The following PTPRN2 variants were observed in gnomAD, a reference collection of about 807,000 sequenced individuals.
The protein encoded by PTPRN2 is protein tyrosine phosphatase receptor type N2, also known as receptor-type tyrosine-protein phosphatase N2.
PTPRN2 carries 74 observed loss-of-function variants against 118.8 expected under a neutral mutation model. The observed-to-expected ratio is 0.62, with a 90% CI of 0.52 to 0.76. The LOEUF (loss-of-function observed/expected upper bound fraction) is 0.76, where lower values mean the gene tolerates loss of function less well. PTPRN2 is among the 30% of genes least tolerant of loss of function. The pLI, the probability that PTPRN2 is intolerant of heterozygous loss-of-function variation, is 0.00. For missense variants in PTPRN2, 1,481 were observed against 1,394.4 expected, an observed-to-expected ratio of 1.06 and a Z score of -0.99; for synonymous variants, 641 against 608.0, an observed-to-expected ratio of 1.05 and a Z score of -0.80.
rs187026187 is a variant in PTPRN2 at position 158,452,513 on chromosome 7, G to A, written c.163+37222C>T. Among the ~76,000 whole-genome samples the A allele has an allele frequency of 3.0e-3, 461 of 152,224 alleles. 2 individuals are homozygous for A. Among genetic ancestry groups the A allele is most frequent in the African/African-American group, 0.01 (422 of 41,524 alleles). Reference sequence around the variant, plus strand: ...CACCCAGGAGCTCTGAGCACGCCACGCACCTGCCCCTGCAACCTTGTCCCG... The same window carrying A: ...CACCCAGGAGCTCTGAGCACGCCACACACCTGCCCCTGCAACCTTGTCCCG... On this transcript the variant is annotated intron_variant, in intron 2 of 22. Transcript: ENST00000389418.
At chr7:157,745,883 G>A (rs1040257328) in intron 12 of PTPRN2, among the ~76,000 whole-genome samples, 10 of 152,056 alleles carry the variant, frequency 6.6e-5, no homozygotes, top group Admixed American at 2.0e-4. Context: ...CACTCAGCAC[G>A]CACGCCACAA....
In PTPRN2 at chr7:157,720,608, C is replaced by T. The variant is rs549136331; in HGVS notation, c.1789-37671G>A. ...GTGCACGCGGGGACCGAGGGAGTCACGTGAATCATGTGGCTTCCACGAGCT... is the reference window on the plus strand; with the variant it reads ...GTGCACGCGGGGACCGAGGGAGTCATGTGAATCATGTGGCTTCCACGAGCT... On this transcript the variant is annotated intron_variant, in intron 12 of 22. Transcript: ENST00000389418. Among the ~76,000 whole-genome samples, 27 of 152,364 alleles carry T rather than the reference C, an allele frequency of 1.8e-4. No individual in the cohort carries two copies. In the South Asian group the frequency reaches 4.6e-3, roughly 26 times the overall value.
At chr7:157,842,732 C>T (rs779441326) in intron 12 of PTPRN2, among the ~76,000 whole-genome samples, 5 of 152,238 alleles carry the variant, frequency 3.3e-5, no homozygotes, top group Admixed American at 6.5e-5. Flanking sequence ...ATCCTGTGCC[C>T]CTGTCTCCGC....
At position 157,961,201 on chromosome 7, in the gene PTPRN2, C is replaced by T. The variant is rs546337172; in HGVS notation, c.1724-62464G>A. ...TTTTTCTTTCCTCTTTTGATTTTTTCCAAAAATTTCACAATGGCACACAAT... is the reference window on the plus strand; with the variant it reads ...TTTTTCTTTCCTCTTTTGATTTTTTTCAAAAATTTCACAATGGCACACAAT... On this transcript the variant is annotated intron_variant, in intron 11 of 22. Transcript: ENST00000389418. Among the ~76,000 whole-genome samples, 4 of 151,978 alleles carry T rather than the reference C, an allele frequency of 2.6e-5. No homozygotes were observed. The East Asian group carries it at 7.7e-4, about 29-fold the overall frequency.
chr7:158,517,833 C>A lies in PTPRN2; in HGVS notation c.113-28048G>T, dbSNP rs1468732550. ...CACCTCCATCCCCTTCGTCACACAT[C>A]CCACACACCCCGGTTTGTTCCCACC... On this transcript the variant is annotated intron_variant, in intron 1 of 22. Transcript: ENST00000389418. This position sits in a 1 kb window ranked among gnomAD's most constrained non-coding sequence, Gnocchi z 5.3. Among the ~76,000 whole-genome samples, 3 of 152,182 alleles carry A rather than the reference C, an allele frequency of 2.0e-5. No individual in the cohort carries two copies. The highest frequency in any genetic ancestry group is 4.4e-5 in the Non-Finnish European group (3 of 68,028).
At chr7:157,633,069 G>C (rs890734983) in intron 14 of PTPRN2, among the ~76,000 whole-genome samples, 3 of 152,108 alleles carry the variant, frequency 2.0e-5, no homozygotes, top group Non-Finnish European at 4.4e-5. Context: ...GGATGACCTA[G>C]GTTCGGGAGC....
chr7:157,929,704 G>C lies in PTPRN2; in HGVS notation c.1724-30967C>G, dbSNP rs1799248257. ...TACTGTAAGACTTCCCTGTCCCTCG[G>C]GTGGGGGCGGCATCCTCACAGGGGT... On this transcript the variant is annotated intron_variant, in intron 11 of 22. Transcript: ENST00000389418. This position sits in a 1 kb window ranked among gnomAD's most constrained non-coding sequence, Gnocchi z 4.4. Among the ~76,000 whole-genome samples, 1 of 152,152 alleles carries C rather than the reference G, an allele frequency of 6.6e-6. No individual in the cohort carries two copies. Among genetic ancestry groups the C allele is most frequent in the Non-Finnish European group, 1.5e-5 (1 of 68,026 alleles).
At chr7:158,269,905 TAGAG>T (rs1456400202) in intron 3 of PTPRN2, among the ~76,000 whole-genome samples, 3 of 145,344 alleles carry the variant, frequency 2.1e-5, no homozygotes, top group African/African-American at 7.9e-5. Context: ...GACAGAGACA[TAGAG>T]ACAGAGAAAC....
intron 12 of PTPRN2, among the ~76,000 whole-genome samples, chr7:157,795,570 C>G (rs138998605): frequency 6.6e-6 from 1 of 152,386 alleles, no homozygotes; most frequent in Non-Finnish European, 1.5e-5. Flanking sequence ...TGTGCTTGCT[C>G]TGACATTTGC....
At chr7:158,414,585 A>C (rs1814488977) in intron 2 of PTPRN2, among the ~76,000 whole-genome samples, 1 of 152,222 alleles carries the variant, frequency 6.6e-6, no homozygotes, top group South Asian at 2.1e-4. Flanking sequence ...ATTAGGAAGA[A>C]GCTGGCACGA....
At chr7:158,100,069 T>C (rs1379724047) in intron 10 of PTPRN2, among the ~76,000 whole-genome samples, 1 of 151,920 alleles carries the variant, frequency 6.6e-6, no homozygotes, top group Non-Finnish European at 1.5e-5. Flanking sequence ...AGTCCTTATG[T>C]CATTCTTAAG....
intron 11 of PTPRN2, among the ~76,000 whole-genome samples, chr7:157,980,677 G>C (rs570377706): frequency 7.2e-5 from 11 of 152,298 alleles, no homozygotes; most frequent in African/African-American, 2.2e-4. Context: ...CTTGAACCTG[G>C]CTGGGCGGAG....
intron 4 of PTPRN2, among the ~76,000 whole-genome samples, chr7:158,196,441 C>G (rs544944246): frequency 2.0e-5 from 3 of 152,202 alleles, no homozygotes; most frequent in African/African-American, 7.2e-5. Flanking sequence ...GCCTCACCCA[C>G]GTTTATACCC....
chr7:158,504,753 C>T (rs973191453), intron 1 of PTPRN2, among the ~76,000 whole-genome samples: 3 of 152,222 alleles, frequency 2.0e-5, no homozygotes, highest in Non-Finnish European at 4.4e-5. Context: ...ACTATTTCTA[C>T]ACATGCACAT....
intron 6 of PTPRN2, among the ~76,000 whole-genome samples, chr7:158,144,783 G>C (rs1310475765): frequency 6.6e-6 from 1 of 152,194 alleles, no homozygotes; most frequent in African/African-American, 2.4e-5. Context: ...CACCGTCACT[G>C]TCAACACTGA....
chr7:157,866,253 T>C (rs1332321227), intron 12 of PTPRN2, among the ~76,000 whole-genome samples: 1 of 152,086 alleles, frequency 6.6e-6, no homozygotes, highest in Non-Finnish European at 1.5e-5. Flanking sequence ...GTTTCATCAA[T>C]TAAGAGTCAG....
chr7:157,810,404 T>C (rs71543609), intron 12 of PTPRN2, among the ~76,000 whole-genome samples: 22,217 of 148,856 alleles, frequency 0.15, 1,791 homozygotes, highest in African/African-American at 0.17. Context: ...CTCCACGGGA[T>C]GGCGGGACTG....
chr7:157,684,285 C>T (rs1238281022), intron 12 of PTPRN2, among the ~76,000 whole-genome samples: 2 of 151,244 alleles, frequency 1.3e-5, no homozygotes, highest in Non-Finnish European at 2.9e-5. Flanking sequence ...CCTGGATGCG[C>T]GGCTCGGAGG....
At chr7:158,244,091 T>G (rs1796048784) in intron 3 of PTPRN2, among the ~76,000 whole-genome samples, 1 of 152,170 alleles carries the variant, frequency 6.6e-6, no homozygotes, top group Non-Finnish European at 1.5e-5. Context: ...GTGGCCCATT[T>G]TCCCCACTGA....
Sources: gnomAD v4.1 joint callset for allele counts (sites outside exome capture counted in the v4.1 genomes callset) on GRCh38, gnomAD v4.1.1 for gene constraint, Gnocchi (gnomAD v3.1) non-coding constraint, MANE v1.5 for transcripts, NCBI Gene and HGNC (gene_info 2026-07-23, HGNC 2026-07-21) for gene names.